The following KCNJ15 variants were observed in gnomAD, a reference collection of about 807,000 sequenced individuals.
KCNJ15 encodes the protein ATP-sensitive inward rectifier potassium channel 15.
Under a neutral mutation model 23.0 loss-of-function variants are expected in KCNJ15, and 14 were observed. The observed-to-expected ratio is 0.61, with a 90% confidence interval of 0.40 to 0.95. The LOEUF is 0.95. Among genes scored for constraint, KCNJ15 ranks in the 40% least tolerant of loss-of-function variants. KCNJ15 has a pLI of 0.00. For synonymous variants in KCNJ15, 185 were observed against 183.2 expected (o/e 1.01, Z -0.08); for missense variants, 388 against 461.8 (o/e 0.84, Z 1.46).
rs141123413 is a variant in KCNJ15 at position 38,292,030 on chromosome 21, G to A, written c.-116-4896G>A. ...CTTAATCTATAATGGATGCTGACGC[G>A]TAGTGAGCAGGAACTTAGCTTTGTC... On this transcript the variant is annotated intron_variant, in intron 1 of 2. Transcript: ENST00000398938. Among the ~76,000 whole-genome samples the A allele has an allele frequency of 1.2e-3, 178 of 152,256 alleles. 1 individual carries two copies. Among genetic ancestry groups the A allele is most frequent in the South Asian group, 6.2e-4 (3 of 4,820 alleles).
chr21:38,298,591 TA>T (rs1281979515), intron 2 of KCNJ15, among the ~76,000 whole-genome samples: 3 of 152,190 alleles, frequency 2.0e-5, no homozygotes, highest in East Asian at 1.9e-4. Flanking sequence ...TTCATTAGAT[TA>T]GGGGGAAAAC....
In KCNJ15 at chr21:38,300,665, G is replaced by T; in HGVS notation, c.*276G>T. The T allele has an allele frequency of 2.8e-6, 1 of 355,330 alleles. No homozygotes were observed. The allele number at this position is 355,330 out of a possible 1,614,324, so 22.0% of individuals were successfully genotyped here. A position where few individuals can be genotyped will look rare whatever the true frequency, so the allele number is the denominator to read the frequency against. On this transcript the variant is annotated 3_prime_UTR_variant, in exon 3 of 3. Coordinates refer to ENST00000398938, the MANE Select transcript of KCNJ15 (RefSeq NM_170736.3). Reference sequence around the variant, plus strand: ...CTAAGAGCTTGGTGTAGGGCAATTGGAATAATGTCCTGTTAGATAAACAGA... The same window carrying T: ...CTAAGAGCTTGGTGTAGGGCAATTGTAATAATGTCCTGTTAGATAAACAGA...
intron 1 of KCNJ15, among the ~76,000 whole-genome samples, chr21:38,296,250 TAGAG>T (rs57472695): frequency 4.0e-5 from 6 of 150,728 alleles, no homozygotes; most frequent in Non-Finnish European, 7.4e-5. Flanking sequence ...AATGATAGAT[TAGAG>T]AGATAATTGA....
chr21:38,243,132 T>G (rs9979128), intron 1 of KCNJ15, among the ~76,000 whole-genome samples: 91,505 of 151,876 alleles, frequency 0.6, 29,647 homozygotes, highest in East Asian at 0.86. Context: ...TAAGATTTTG[T>G]GTGGCTTTTT....
chr21:38,297,923 G>C (rs1039201508), intron 2 of KCNJ15, among the ~76,000 whole-genome samples: 1 of 152,170 alleles, frequency 6.6e-6, no homozygotes, highest in Non-Finnish European at 1.5e-5. Flanking sequence ...GCTGCTAATG[G>C]ATACAGTTTC....
In KCNJ15 at chr21:38,233,847, A is replaced by G. The variant is rs574624162; in HGVS notation, c.-398-23199A>G. ...TCTCTTCCTCTTTTTTAATATTGTT[A>G]TTATACATATTACCTATATATATGT... is the stretch of plus-strand genomic sequence containing the variant. On this transcript the variant is annotated intron_variant, in intron 1 of 4. Coordinates refer to the KCNJ15 transcript ENST00000547341. Among the ~76,000 whole-genome samples, 3 of 152,194 alleles carry G rather than the reference A, an allele frequency of 2.0e-5. No homozygotes were observed. In the East Asian group the frequency reaches 5.8e-4, roughly 29 times the overall value.
chr21:38,231,212 TA>T (rs1391757730), intron 1 of KCNJ15, among the ~76,000 whole-genome samples: 1 of 152,042 alleles, frequency 6.6e-6, no homozygotes, highest in Non-Finnish European at 1.5e-5. Context: ...TTGGATGTTA[TA>T]AATAAAATTG....
At chr21:38,288,081 C>T (rs1423588034) in intron 1 of KCNJ15, among the ~76,000 whole-genome samples, 2 of 97,900 alleles carry the variant, frequency 2.0e-5, no homozygotes, top group Non-Finnish European at 1.9e-5. Flanking sequence ...CACTCTGTTG[C>T]CCAGGCTGGA....
intron 1 of KCNJ15, among the ~76,000 whole-genome samples, chr21:38,239,960 G>C (rs897741971): frequency 6.6e-6 from 1 of 152,104 alleles, no homozygotes; most frequent in Non-Finnish European, 1.5e-5. Context: ...GTTTATTTAC[G>C]TTTTCTTACA....
At chr21:38,235,044 A>G (rs972700928) in intron 1 of KCNJ15, among the ~76,000 whole-genome samples, 5 of 152,210 alleles carry the variant, frequency 3.3e-5, no homozygotes, top group Non-Finnish European at 4.4e-5. Flanking sequence ...ATCAAGAAAT[A>G]CTGGGAGTTC....
chr21:38,283,151 A>T (rs972892121), intron 1 of KCNJ15, among the ~76,000 whole-genome samples: 2 of 151,812 alleles, frequency 1.3e-5, no homozygotes, highest in Admixed American at 1.3e-4. Flanking sequence ...AATATCTCTG[A>T]GAGTAAATGA....
intron 1 of KCNJ15, among the ~76,000 whole-genome samples, chr21:38,261,944 T>C (rs1980948285): frequency 6.6e-6 from 1 of 152,220 alleles, no homozygotes; most frequent in African/African-American, 2.4e-5. Flanking sequence ...CAATTTTCAA[T>C]AGCAGTTAAT....
chr21:38,248,284 C>T (rs1024749002), intron 1 of KCNJ15, among the ~76,000 whole-genome samples: 2 of 152,164 alleles, frequency 1.3e-5, no homozygotes, highest in African/African-American at 2.4e-5. Flanking sequence ...GATTCTCACA[C>T]TTGATTGCTG....
At chr21:38,293,792 T>C (rs1331971257) in intron 1 of KCNJ15, among the ~76,000 whole-genome samples, 2 of 152,242 alleles carry the variant, frequency 1.3e-5, no homozygotes, top group Non-Finnish European at 2.9e-5. Context: ...AGGATTGCCC[T>C]CTGGAATCTG....
intron 1 of KCNJ15, among the ~76,000 whole-genome samples, chr21:38,238,985 A>G (rs1978811316): frequency 1.3e-5 from 2 of 152,194 alleles, no homozygotes; most frequent in South Asian, 4.1e-4. Flanking sequence ...AGCCCTACCA[A>G]TAGTTTTCAA....
At chr21:38,256,780 C>T (rs1377613287), upstream of KCNJ15, 1 of 152,146 alleles carries the variant, frequency 6.6e-6, no homozygotes, top group Non-Finnish European at 1.5e-5. Context: ...CACTAGAATC[C>T]TGTGCTGGTT....
At chr21:38,296,409 C>T (rs971798453) in intron 1 of KCNJ15, 3 of 152,174 alleles carry the variant, frequency 2.0e-5, no homozygotes, top group African/African-American at 7.2e-5. Flanking sequence ...TTGTGGTGGA[C>T]TGACAGGAAC....
At position 38,303,769 on chromosome 21, in the gene KCNJ15, A is replaced by T. The variant is rs1268822563; in HGVS notation, c.*3380A>T. On this transcript the variant is annotated 3_prime_UTR_variant, in exon 3 of 3. Coordinates refer to ENST00000398938, the MANE Select transcript of KCNJ15 (RefSeq NM_170736.3). ...CAATATTATCGAAATGTAAACAAAG[A>T]TATATTTTTAAGGTGGCATTTCTAC... The T allele has an allele frequency of 6.6e-6, 1 of 152,178 alleles. No individual in the cohort carries two copies. Among genetic ancestry groups the T allele is most frequent in the East Asian group, 1.9e-4 (1 of 5,198 alleles). 9.4% of individuals were successfully genotyped at this position (152,178 alleles called of 1,614,324 possible).
At chr21:38,276,163 T>C (rs1417241680) in intron 1 of KCNJ15, among the ~76,000 whole-genome samples, 1 of 151,984 alleles carries the variant, frequency 6.6e-6, no homozygotes, top group Non-Finnish European at 1.5e-5. Flanking sequence ...ACAATTTATG[T>C]ATATGTCATC....
Sources: allele counts gnomAD v4.1 joint callset (sites outside exome capture counted in the v4.1 genomes callset), GRCh38; gene constraint gnomAD v4.1.1; transcripts MANE v1.5; gene names NCBI Gene and HGNC (gene_info 2026-07-23, HGNC 2026-07-21).